Variants in LRP1B observed in about 807,000 individuals in gnomAD.
LRP1B encodes low-density lipoprotein receptor-related protein 1B.
Under a neutral mutation model 556.6 loss-of-function variants are expected in LRP1B, and 217 were observed. That is an observed-to-expected ratio of 0.39 (90% CI 0.35 to 0.44). LRP1B has a LOEUF of 0.44. LRP1B is among the 20% of genes least tolerant of loss of function. LRP1B has a pLI of 1.00. For synonymous variants in LRP1B, 2,047 were observed against 1,865.8 expected, an observed-to-expected ratio of 1.10 and a Z score of -2.50; for missense variants, 5,053 against 5,620.8, an observed-to-expected ratio of 0.90 and a Z score of 3.23.
chr2:141,039,849 G>A (rs1698644650), intron 11 of LRP1B, among the ~76,000 whole-genome samples: 1 of 151,742 alleles, frequency 6.6e-6, no homozygotes, highest in African/African-American at 2.4e-5. Flanking sequence ...TACATATATT[G>A]GTTCAAATTA....
At chr2:140,256,483 T>A (rs1241216644) in intron 86 of LRP1B, among the ~76,000 whole-genome samples, 1 of 66,596 alleles carries the variant, frequency 1.5e-5, no homozygotes, top group Non-Finnish European at 2.8e-5. Flanking sequence ...TTTTTTTTTT[T>A]TTTTAAGACA....
rs1206701258 is a variant in LRP1B, at chr2:141,229,258, G to A, written c.775C>T (p.Leu259Phe). Reference sequence around the variant, plus strand: ...GCTTTTGTTATCTGGATACATTTGAGTTGATTTGAAGATTCTCTTGATTCA... The same window carrying A: ...GCTTTTGTTATCTGGATACATTTGAATTGATTTGAAGATTCTCTTGATTCA... ...WIESRESSNQ[L>F]KCIQITKAGG... Residue 259 changes from leucine (L) to phenylalanine (F), a missense_variant, in exon 6 of 91, where the codon CTC (leucine) becomes TTC (phenylalanine). By Grantham distance (22) the Leu-to-Phe change is conservative. This residue lies in a region of LRP1B where 3,619 missense variants were observed against 3,931.9 expected (regional missense o/e 0.92). Coordinates refer to ENST00000389484, the MANE Select transcript of LRP1B (RefSeq NM_018557.3). The A allele has an allele frequency of 1.2e-6, 2 of 1,611,376 alleles. No individual in the cohort carries two copies. Among genetic ancestry groups the A allele is most frequent in the South Asian group, 1.1e-5 (1 of 90,986 alleles).
In LRP1B at chr2:140,592,935, GACACACAC is replaced by G. The variant is rs10594387; in HGVS notation, c.7194+5688_7194+5695del. On this transcript the variant is annotated intron_variant, in intron 43 of 90. Coordinates refer to ENST00000389484, the MANE Select transcript of LRP1B (RefSeq NM_018557.3). Reference sequence around the variant, plus strand: ...AGCCTGGATGACAAAGTGAGATCCTGACACACACACACACACACACACACACACACACA... The same window carrying G: ...AGCCTGGATGACAAAGTGAGATCCTGACACACACACACACACACACACACA... Among the ~76,000 whole-genome samples, 313 of 148,990 alleles carry G rather than the reference GACACACAC, an allele frequency of 2.1e-3. 3 individuals carry two copies. The highest frequency in any genetic ancestry group is 8.6e-3 in the South Asian group (40 of 4,650).
At chr2:141,005,516 G>A (rs2105374290) in intron 14 of LRP1B, 59 bp from the exon 15 acceptor site, 11 of 1,567,824 alleles carry the variant, frequency 7.0e-6, no homozygotes, top group Non-Finnish European at 9.6e-6. Flanking sequence ...TTTCTAGGAG[G>A]TGAACATAGA....
intron 1 of LRP1B, among the ~76,000 whole-genome samples, chr2:142,117,550 A>T (rs997069502): frequency 1.3e-5 from 2 of 151,996 alleles, no homozygotes; most frequent in African/African-American, 2.4e-5. Flanking sequence ...GTTAGCCTCA[A>T]TGTTGAATCC....
At chr2:140,372,938 T>C (rs1683057037) in intron 69 of LRP1B, 70 bp downstream of exon 69, 3 of 1,544,970 alleles carry the variant, frequency 1.9e-6, no homozygotes, top group Admixed American at 3.4e-5. Context: ...TTTCTGCATA[T>C]TGCTGCTTAA....
chr2:141,845,547 G>A (rs1372091709), intron 1 of LRP1B, among the ~76,000 whole-genome samples: 1 of 151,788 alleles, frequency 6.6e-6, no homozygotes, highest in African/African-American at 2.4e-5. Flanking sequence ...AAGTTTAGGG[G>A]GACTGCAGTG....
In LRP1B at chr2:141,153,571, AATAAT is replaced by A. The variant is rs1461950509; in HGVS notation, c.1013+34845_1013+34849del. On this transcript the variant is annotated intron_variant, in intron 7 of 90. Coordinates refer to ENST00000389484, the MANE Select transcript of LRP1B (RefSeq NM_018557.3). ...ATATTAGCTATATATATTTATATAT[AATAAT>A]ATATTATATATTAGCTATATATATT... 6.6e-4 allele frequency among the ~76,000 whole-genome samples: 86 copies of A among 130,852 alleles called. 1 individual carries two copies. Among genetic ancestry groups the A allele is most frequent in the African/African-American group, 1.8e-3 (63 of 34,612 alleles). 85.8% of individuals were successfully genotyped at this position (130,852 alleles called of 152,430 possible). A position where few individuals can be genotyped will look rare whatever the true frequency, so the allele number is the denominator to read the frequency against.
At chr2:141,663,242 C>A (rs953986967) in intron 2 of LRP1B, among the ~76,000 whole-genome samples, 1 of 152,162 alleles carries the variant, frequency 6.6e-6, no homozygotes, top group East Asian at 1.9e-4. Context: ...CTAGAAAGAT[C>A]TCAAGTAAAC....
intron 1 of LRP1B, among the ~76,000 whole-genome samples, chr2:142,113,615 A>G (rs1042971193): frequency 2.6e-5 from 4 of 152,068 alleles, no homozygotes; most frequent in African/African-American, 7.2e-5. Flanking sequence ...GTGAAGCAGC[A>G]CTAAAAACAA....
chr2:141,062,041 T>C lies in LRP1B; in HGVS notation c.1236+10A>G, dbSNP rs1699350661. The C allele has an allele frequency of 1.9e-6, 3 of 1,606,468 alleles. No homozygotes were observed. Among genetic ancestry groups the C allele is most frequent in the Non-Finnish European group, 2.6e-6 (3 of 1,173,860 alleles). On this transcript the variant is annotated intron_variant, in intron 8 of 90. Transcript: ENST00000389484. The stretch of plus-strand genomic sequence containing the variant: ...ACCCTAGGAGCGTTGTCTAACAAAA[T>C]TGTACTTACTTGTCTGCCTTGAATG...
chr2:141,048,756 T>C, intron 11 of LRP1B, among the ~76,000 whole-genome samples: 1 of 152,108 alleles, frequency 6.6e-6, no homozygotes. Flanking sequence ...TCCGATAATA[T>C]TTAGAATATA....
chr2:140,721,536 C>CTTT (rs10616730), intron 35 of LRP1B, among the ~76,000 whole-genome samples: 5 of 69,608 alleles, frequency 7.2e-5, no homozygotes, highest in African/African-American at 5.9e-5. Flanking sequence ...CAAAGATGCA[C>CTTT]TTTTTTTTTT....
chr2:141,441,431 T>A (rs1265652929), intron 3 of LRP1B, among the ~76,000 whole-genome samples: 2 of 152,180 alleles, frequency 1.3e-5, no homozygotes, highest in African/African-American at 4.8e-5. Flanking sequence ...TTTCCACTGA[T>A]CCCTAAGGAA....
At chr2:141,931,992 A>T (rs1700521327) in intron 1 of LRP1B, among the ~76,000 whole-genome samples, 1 of 152,058 alleles carries the variant, frequency 6.6e-6, no homozygotes, top group Non-Finnish European at 1.5e-5. Context: ...CAAAGTGATC[A>T]TACCAGCTTT....
rs147267278 is a variant in LRP1B, at chr2:140,300,817, A to T, written c.12806-2848T>A. 2.1e-3 allele frequency among the ~76,000 whole-genome samples: 317 copies of T among 152,190 alleles called. 1 individual carries two copies. Among genetic ancestry groups the T allele is most frequent in the African/African-American group, 5.9e-3 (247 of 41,540 alleles). On this transcript the variant is annotated intron_variant, in intron 83 of 90. Coordinates refer to ENST00000389484, the MANE Select transcript of LRP1B (RefSeq NM_018557.3). ...AGAATCATGTAGAATAAATTAGATA[A>T]CACATGTGAAGCATTTCTAGCTGTA... is the stretch of plus-strand genomic sequence containing the variant.
chr2:141,716,960 A>G (rs967276985), intron 2 of LRP1B, among the ~76,000 whole-genome samples: 2 of 21,338 alleles, frequency 9.4e-5, no homozygotes, highest in Non-Finnish European at 2.2e-4. Flanking sequence ...CTCCCCCAGC[A>G]TGATCCACAG....
chr2:141,972,207 TCCA>T (rs1279106988), intron 1 of LRP1B, among the ~76,000 whole-genome samples: 2 of 151,636 alleles, frequency 1.3e-5, no homozygotes, highest in Admixed American at 6.6e-5. Context: ...TCACCATGAT[TCCA>T]CCAAGATGGT....
At chr2:140,741,645 T>C (rs748417493) in intron 35 of LRP1B, among the ~76,000 whole-genome samples, 3 of 152,078 alleles carry the variant, frequency 2.0e-5, no homozygotes, top group Non-Finnish European at 1.5e-5. Context: ...CACTCTCCAT[T>C]CTCAAGTAGG....
Sources: allele counts gnomAD v4.1 joint callset (sites outside exome capture counted in the v4.1 genomes callset), GRCh38; gene constraint gnomAD v4.1.1; regional missense constraint gnomAD v4.1.1; transcripts MANE v1.5; gene names NCBI Gene and HGNC (gene_info 2026-07-23, HGNC 2026-07-21).